The following SOX5 variants were observed in gnomAD, a reference collection of about 807,000 sequenced individuals.
SOX5 encodes SRY-box transcription factor 5.
SOX5 carries 9 observed loss-of-function variants against 92.0 expected under a neutral mutation model. That is an observed-to-expected ratio of 0.10 (90% CI 0.06 to 0.17). The LOEUF (loss-of-function observed/expected upper bound fraction) is 0.17. SOX5 is among the 10% of genes least tolerant of loss of function. The pLI is 1.00. For synonymous variants in SOX5, 344 were observed against 336.3 expected (o/e 1.02, Z -0.25); for missense variants, 642 against 944.5 (o/e 0.68, Z 4.20).
At chr12:24,247,374 G>A (rs1413980816) in intron 3 of SOX5, among the ~76,000 whole-genome samples, 2 of 152,194 alleles carry the variant, frequency 1.3e-5, no homozygotes, top group Non-Finnish European at 2.9e-5. Flanking sequence ...CCTTGAAGAA[G>A]TGTGGCTTAA....
intron 4 of SOX5, among the ~76,000 whole-genome samples, chr12:24,077,235 T>A (rs1942736660): frequency 6.6e-6 from 1 of 152,124 alleles, no homozygotes; most frequent in South Asian, 2.1e-4. Flanking sequence ...ACAGTCTATG[T>A]GTAACCAAGA....
chr12:24,040,155 T>TA (rs1217596943), intron 4 of SOX5, among the ~76,000 whole-genome samples: 1 of 152,156 alleles, frequency 6.6e-6, no homozygotes, highest in Non-Finnish European at 1.5e-5. Context: ...CATATAGATT[T>TA]AAAAAACCAG....
At chr12:24,260,732 TTCTA>T (rs1941968638) in intron 3 of SOX5, among the ~76,000 whole-genome samples, 1 of 152,216 alleles carries the variant, frequency 6.6e-6, no homozygotes, top group African/African-American at 2.4e-5. Flanking sequence ...TCTCTTCTTC[TTCTA>T]AAGTGCTGAA....
At chr12:23,766,009 T>C (rs887043412) in intron 3 of SOX5, among the ~76,000 whole-genome samples, 9 of 152,194 alleles carry the variant, frequency 5.9e-5, no homozygotes, top group African/African-American at 2.2e-4. Context: ...GTCACTGAGT[T>C]GTTTTCCAAA....
chr12:23,755,565 T>C (rs1464808057), intron 4 of SOX5, 73 bp downstream of exon 4: 15 of 1,077,554 alleles, frequency 1.4e-5, no homozygotes, highest in Non-Finnish European at 2.1e-5. Flanking sequence ...AGAAATACTT[T>C]ATCACCATTA....
chr12:24,142,927 G>A (rs79527637), intron 4 of SOX5, among the ~76,000 whole-genome samples: 3,545 of 151,458 alleles, frequency 0.023, 150 homozygotes, highest in African/African-American at 0.08. Flanking sequence ...GCAGGATACT[G>A]GTCAGCACGT....
intron 2 of SOX5, among the ~76,000 whole-genome samples, chr12:24,335,450 A>G (rs1951780605): frequency 6.6e-6 from 1 of 152,158 alleles, no homozygotes; most frequent in African/African-American, 2.4e-5. Context: ...TTATCAACTT[A>G]CCTAATCCTC....
At chr12:24,344,944 A>G (rs1953056188) in intron 2 of SOX5, among the ~76,000 whole-genome samples, 1 of 152,210 alleles carries the variant, frequency 6.6e-6, no homozygotes, top group South Asian at 2.1e-4. Flanking sequence ...CATATTAAAA[A>G]AATGTGTACA....
chr12:24,551,322 G>A (rs1238820669), intron 1 of SOX5, among the ~76,000 whole-genome samples: 1 of 118,040 alleles, frequency 8.5e-6, no homozygotes, highest in Admixed American at 9.8e-5. Context: ...AAGTGGAATT[G>A]TCCATAAAGC....
chr12:23,651,800 C>G (rs2081598989), intron 7 of SOX5, among the ~76,000 whole-genome samples: 1 of 151,270 alleles, frequency 6.6e-6, no homozygotes, highest in African/African-American at 2.4e-5. Flanking sequence ...AAAAAATGAG[C>G]CCCAAAGTAG....
chr12:24,532,903 A>T (rs1448896772), intron 1 of SOX5, among the ~76,000 whole-genome samples: 1 of 152,234 alleles, frequency 6.6e-6, no homozygotes, highest in Non-Finnish European at 1.5e-5. Context: ...AGGTAACCAG[A>T]AACTACATGA....
At chr12:24,305,733 G>C (rs532628267) in intron 2 of SOX5, among the ~76,000 whole-genome samples, 1 of 152,134 alleles carries the variant, frequency 6.6e-6, no homozygotes, top group African/African-American at 2.4e-5. Flanking sequence ...GAGTAGCTAG[G>C]ATTACAGGCA....
At chr12:23,581,888 G>GAAA (rs200972596) in intron 9 of SOX5, among the ~76,000 whole-genome samples, 8 of 151,008 alleles carry the variant, frequency 5.3e-5, no homozygotes, top group Admixed American at 2.6e-4. Flanking sequence ...CACAATGATT[G>GAAA]AAAAAATATA....
chr12:23,828,822 T>C (rs1395409906), intron 3 of SOX5, among the ~76,000 whole-genome samples: 1 of 151,662 alleles, frequency 6.6e-6, no homozygotes, highest in Non-Finnish European at 1.5e-5. Context: ...AAGTTGGTCA[T>C]CCAAAAAATG....
chr12:24,284,986 G>A (rs926811451), intron 2 of SOX5, among the ~76,000 whole-genome samples: 4 of 152,142 alleles, frequency 2.6e-5, no homozygotes, highest in South Asian at 2.1e-4. Flanking sequence ...TTAGCTGGGC[G>A]TGGTGGCGGG....
At chr12:23,630,195 C>A (rs527771019) in intron 8 of SOX5, among the ~76,000 whole-genome samples, 1 of 151,750 alleles carries the variant, frequency 6.6e-6, no homozygotes, top group African/African-American at 2.4e-5. Flanking sequence ...TAGTTAGAGG[C>A]AGCACATAGA....
At chr12:24,332,059 AAAGCATAAAAGG>A (rs1201447446) in intron 2 of SOX5, among the ~76,000 whole-genome samples, 1 of 152,070 alleles carries the variant, frequency 6.6e-6, no homozygotes, top group East Asian at 1.9e-4. Context: ...AAAAAACAAG[AAAGCATAAAAGG>A]AAGGATATTA....
chr12:23,635,325 T>C (rs561607945), intron 8 of SOX5, among the ~76,000 whole-genome samples: 1 of 152,234 alleles, frequency 6.6e-6, no homozygotes, highest in South Asian at 2.1e-4. Context: ...TTGAAGGTCC[T>C]TGAGCAGGAA....
chr12:24,115,128 AAG>A (rs1165198402), intron 4 of SOX5, among the ~76,000 whole-genome samples: 2 of 152,314 alleles, frequency 1.3e-5, no homozygotes, highest in Non-Finnish European at 2.9e-5. Flanking sequence ...AAAAAGAGAA[AAG>A]AGAAAACAAA....
Sources: allele counts gnomAD v4.1 joint callset (sites outside exome capture counted in the v4.1 genomes callset), GRCh38; gene constraint gnomAD v4.1.1; transcripts MANE v1.5; gene names NCBI Gene and HGNC (gene_info 2026-07-23, HGNC 2026-07-21).